Variants in CSMD3 observed in about 807,000 individuals in gnomAD.
CSMD3 encodes CUB and Sushi multiple domains 3, also known as CUB and sushi domain-containing protein 3.
A neutral mutation model predicts 435.2 loss-of-function variants in CSMD3; 177 were observed. The ratio of observed to expected loss-of-function variants is 0.41; its 90% CI spans 0.36 to 0.46. The LOEUF is 0.46. Ranked by LOEUF, CSMD3 falls within the 20% of genes least tolerant of loss-of-function variation. The pLI is 0.34. For synonymous variants in CSMD3, 1,656 were observed against 1,520.5 expected, an observed-to-expected ratio of 1.09 and a Z score of -2.07; for missense variants, 4,265 against 4,504.6, an observed-to-expected ratio of 0.95 and a Z score of 1.52.
chr8:112,330,810 T>A (rs1225428410), intron 45 of CSMD3, among the ~76,000 whole-genome samples: 1 of 152,062 alleles, frequency 6.6e-6, no homozygotes, highest in African/African-American at 2.4e-5. Context: ...ATATAATCTA[T>A]TCATGAGATA....
chr8:112,694,924 C>T (rs2076219692), intron 13 of CSMD3, among the ~76,000 whole-genome samples: 1 of 152,030 alleles, frequency 6.6e-6, no homozygotes, highest in South Asian at 2.1e-4. Context: ...ACTGAGGTAC[C>T]AGGTTCATCT....
Position 112,304,740 on chromosome 8 carries a change from A to G in CSMD3, c.8247T>C (p.Asn2749=), listed in dbSNP as rs774021816. The G allele has an allele frequency of 8.1e-6, 13 of 1,613,428 alleles. No homozygotes were observed. The highest frequency in any genetic ancestry group is 1.3e-5 in the African/African-American group (1 of 74,904). ...CLPNGTWSWR[N]ERPYCQIISC... The stretch of plus-strand genomic sequence containing the variant: ...ACTTACTTTGGCAATATGGTCTTTC[A>G]TTTCTCCAACTCCAAGTACCATTAG... The change falls in exon 52 of 71, where the codon AAT becomes AAC. Residue 2749 remains asparagine (N), a synonymous_variant. Transcript: ENST00000297405.
At chr8:113,080,357 G>T (rs1189361002) in intron 5 of CSMD3, among the ~76,000 whole-genome samples, 1 of 152,030 alleles carries the variant, frequency 6.6e-6, no homozygotes, top group African/African-American at 2.4e-5. Flanking sequence ...ACACCTTGTG[G>T]ATGTAACTAC....
chr8:113,062,817 A>G (rs893312479), intron 5 of CSMD3, among the ~76,000 whole-genome samples: 1 of 151,844 alleles, frequency 6.6e-6, no homozygotes, highest in Non-Finnish European at 1.5e-5. Flanking sequence ...AATAGTATGT[A>G]TGGTATAACC....
In CSMD3 at chr8:112,410,614, ATG is replaced by A. The variant is rs1554670633; in HGVS notation, c.5396-1584_5396-1583del. On this transcript the variant is annotated intron_variant, in intron 32 of 70. Coordinates refer to ENST00000297405, the MANE Select transcript of CSMD3 (RefSeq NM_198123.2). Reference sequence around the variant, plus strand: ...TGTATATATATATGTGTATATATATATGTATATATATGTGTATATATATGTAT... The same window carrying A: ...TGTATATATATATGTGTATATATATATATATATATGTGTATATATATGTAT... Among the ~76,000 whole-genome samples the A allele has an allele frequency of 2.0e-3, 61 of 31,114 alleles. 2 individuals are homozygous for A. Among genetic ancestry groups the A allele is most frequent in the East Asian group, 4.3e-3 (4 of 920 alleles). 20.4% of individuals were successfully genotyped at this position (31,114 alleles called of 152,430 possible).
At chr8:112,277,167 A>C (rs1818146180) in intron 59 of CSMD3, among the ~76,000 whole-genome samples, 2 of 152,118 alleles carry the variant, frequency 1.3e-5, no homozygotes, top group Non-Finnish European at 1.5e-5. Context: ...CCAGGCTGCA[A>C]ATTTTCTGAA....
chr8:112,751,393 T>C (rs2095373492), intron 13 of CSMD3, among the ~76,000 whole-genome samples: 1 of 152,084 alleles, frequency 6.6e-6, no homozygotes, highest in Non-Finnish European at 1.5e-5. Context: ...AATTGATATA[T>C]AAATTGCAAA....
At chr8:112,419,732 C>A (rs1456579404) in intron 32 of CSMD3, among the ~76,000 whole-genome samples, 3 of 152,244 alleles carry the variant, frequency 2.0e-5, no homozygotes, top group South Asian at 4.1e-4. Context: ...CATTAAAAAA[C>A]CATCTTATAA....
intron 5 of CSMD3, among the ~76,000 whole-genome samples, chr8:113,068,866 C>G (rs1159416527): frequency 1.3e-5 from 2 of 151,572 alleles, no homozygotes; most frequent in Non-Finnish European, 2.9e-5. Context: ...TGTTGATGCT[C>G]TTGCTGGTTT....
Position 112,297,093 on chromosome 8 carries a change from A to G in CSMD3, c.8441-1087T>C, listed in dbSNP as rs1432234418. Among the ~76,000 whole-genome samples, 3 of 150,876 alleles carry G rather than the reference A, an allele frequency of 2.0e-5. No homozygotes were observed. In the East Asian group the frequency reaches 5.8e-4, roughly 29 times the overall value. On this transcript the variant is annotated intron_variant, in intron 53 of 70. Coordinates refer to ENST00000297405, the MANE Select transcript of CSMD3 (RefSeq NM_198123.2). Reference sequence around the variant, plus strand: ...TCTATTAAAATATGTGAATTCTTAAACAAAAACCTTCCCACGGATTTTTTT... The same window carrying G: ...TCTATTAAAATATGTGAATTCTTAAGCAAAAACCTTCCCACGGATTTTTTT...
chr8:113,212,694 C>A (rs1588286800), intron 3 of CSMD3, among the ~76,000 whole-genome samples: 1 of 151,532 alleles, frequency 6.6e-6, no homozygotes, highest in African/African-American at 2.4e-5. Flanking sequence ...ACAATGAGAA[C>A]ACTTGGACAC....
At chr8:112,344,534 C>A (rs1274106597) in intron 41 of CSMD3, among the ~76,000 whole-genome samples, 1 of 152,074 alleles carries the variant, frequency 6.6e-6, no homozygotes, top group Admixed American at 6.6e-5. Flanking sequence ...GTGAGATACC[C>A]AAGTTCAGTC....
chr8:113,398,463 A>G (rs560216460), intron 1 of CSMD3, among the ~76,000 whole-genome samples: 50 of 152,268 alleles, frequency 3.3e-4, no homozygotes, highest in Non-Finnish European at 2.4e-4. Flanking sequence ...GTTTATTTTT[A>G]CTTTTCAGAA....
chr8:112,886,319 T>C lies in CSMD3; in HGVS notation c.1634-27053A>G, dbSNP rs944042762. On this transcript the variant is annotated intron_variant, in intron 10 of 70. Transcript: ENST00000297405. ...TATAAATGTTAAGTCATTTTTCTTT[T>C]TTGCCTTTTGAAATGTTTCTTCTGT... Among the ~76,000 whole-genome samples the C allele has an allele frequency of 2.0e-5, 3 of 151,654 alleles. No individual in the cohort carries two copies. In the East Asian group the frequency reaches 5.9e-4, roughly 30 times the overall value.
At chr8:112,941,459 T>C (rs1423858990) in intron 9 of CSMD3, among the ~76,000 whole-genome samples, 1 of 151,830 alleles carries the variant, frequency 6.6e-6, no homozygotes, top group African/African-American at 2.4e-5. Flanking sequence ...CTTGTAAAAC[T>C]GACATCACAA....
At chr8:112,337,412 T>TA in intron 43 of CSMD3, 131 bp downstream of exon 43, 1 of 759,412 alleles carries the variant, frequency 1.3e-6, no homozygotes. Flanking sequence ...CTTAGGGGTT[T>TA]AAAAAATATC....
chr8:112,683,474 T>A (rs779767607), intron 15 of CSMD3, among the ~76,000 whole-genome samples: 2 of 152,050 alleles, frequency 1.3e-5, no homozygotes, highest in Non-Finnish European at 2.9e-5. Flanking sequence ...CACTATCTTA[T>A]TCTACCTTGT....
chr8:113,337,462 A>G (rs1255326987), intron 1 of CSMD3, among the ~76,000 whole-genome samples: 1 of 152,166 alleles, frequency 6.6e-6, no homozygotes, highest in Non-Finnish European at 1.5e-5. Flanking sequence ...GAACACTAGC[A>G]TCATAGCATA....
chr8:112,233,416 T>A (rs1353343568), intron 68 of CSMD3, among the ~76,000 whole-genome samples: 1 of 152,216 alleles, frequency 6.6e-6, no homozygotes, highest in African/African-American at 2.4e-5. Flanking sequence ...TTTTAATGAA[T>A]CAATTCACTT....
Sources: gnomAD v4.1 joint callset for allele counts (sites outside exome capture counted in the v4.1 genomes callset) on GRCh38, gnomAD v4.1.1 for gene constraint, MANE v1.5 for transcripts, NCBI Gene and HGNC (gene_info 2026-07-23, HGNC 2026-07-21) for gene names.